The following SERPINF1 variants were observed in gnomAD, a reference collection of about 807,000 sequenced individuals.
The protein encoded by SERPINF1 is serpin family F member 1, also known as pigment epithelium-derived factor.
Under a neutral mutation model 37.3 loss-of-function variants are expected in SERPINF1, and 29 were observed. The ratio of observed to expected loss-of-function variants is 0.78; its 90% confidence interval spans 0.58 to 1.06. SERPINF1 has a LOEUF of 1.06. SERPINF1 is among the 50% of genes least tolerant of loss of function. The pLI is 0.00. For synonymous variants in SERPINF1, 281 were observed against 227.9 expected (o/e 1.23, Z -2.10); for missense variants, 553 against 532.2 (o/e 1.04, Z -0.38).
chr17:1,770,139 C>T (rs1907638463), intron 3 of SERPINF1, 89 bp downstream of exon 3: 2 of 1,442,966 alleles, frequency 1.4e-6, no homozygotes, highest in African/African-American at 1.4e-5. Flanking sequence ...ATTGACATTT[C>T]AGTTCAGCGA....
In SERPINF1 at chr17:1,776,626, C is replaced by T; in HGVS notation, c.881C>T (p.Thr294Ile). The T allele has an allele frequency of 6.2e-7, 1 of 1,614,058 alleles. No individual in the cohort carries two copies. The highest frequency in any genetic ancestry group is 8.5e-7 in the Non-Finnish European group (1 of 1,180,020). The change falls in exon 7 of 8, where the codon ACC becomes ATC. Residue 294 changes from threonine to isoleucine, a missense_variant. By Grantham distance (89) the Thr-to-Ile change is moderately conservative. Transcript: ENST00000254722. ...QNLTLIEESL[T>I]SEFIHDIDRE... is the part of the protein sequence containing the mutation. ...TTGACCTTGATAGAGGAGAGCCTCACCTCCGAGTTCATTCATGACATAGAC... is the reference window on the plus strand; with the variant it reads ...TTGACCTTGATAGAGGAGAGCCTCATCTCCGAGTTCATTCATGACATAGAC...
chr17:1,769,525 A>C, intron 2 of SERPINF1: 1 of 426,136 alleles, frequency 2.3e-6, no homozygotes, highest in Non-Finnish European at 4.4e-6. Flanking sequence ...TTGGGAGGCT[A>C]AGGCAGGAAA....
chr17:1,770,606 C>T (rs1316871061), intron 3 of SERPINF1: 2 of 261,280 alleles, frequency 7.7e-6, no homozygotes, highest in Non-Finnish European at 1.5e-5. Flanking sequence ...ATTACAGGCA[C>T]CTGCCATCAT....
rs1908103118 is a variant in SERPINF1 at position 1,777,325 on chromosome 17, C to A, written c.1136C>A (p.Pro379His). Residue 379 changes from proline (P) to histidine (H), a missense_variant, in exon 8 of 8, where the codon CCT becomes CAT. Coordinates refer to ENST00000254722, the MANE Select transcript of SERPINF1 (RefSeq NM_002615.7). The stretch of plus-strand genomic sequence containing the variant: ...ACCACCCCCAGCCCAGGGCTGCAGC[C>A]TGCCCACCTCACCTTCCCGCTGGAC... ...AGTTPSPGLQ[P>H]AHLTFPLDYH... 6.2e-7 allele frequency: 1 copy of A among 1,614,176 alleles called. No individual in the cohort carries two copies. The highest frequency in any genetic ancestry group is 1.3e-5 in the African/African-American group (1 of 75,042).
At chr17:1,769,276 G>A (rs1297163662) in intron 2 of SERPINF1, among the ~76,000 whole-genome samples, 1 of 152,042 alleles carries the variant, frequency 6.6e-6, no homozygotes, top group Non-Finnish European at 1.5e-5. Flanking sequence ...AGGCATGGTG[G>A]TGGGCGCCTG....
chr17:1,771,291 C>T (rs1192752959), intron 4 of SERPINF1, 107 bp downstream of exon 4: 15 of 1,213,762 alleles, frequency 1.2e-5, no homozygotes, highest in Non-Finnish European at 1.7e-5. Context: ...CTCTGTTGCC[C>T]AGGCTGGAGT....
At chr17:1,777,084 A>T in intron 7 of SERPINF1, 103 bp from the exon 8 acceptor site, 1 of 1,581,168 alleles carries the variant, frequency 6.3e-7, no homozygotes, top group Non-Finnish European at 8.7e-7. Flanking sequence ...CCTCAGAGAA[A>T]GTCAACAGTG....
chr17:1,774,621 C>T (rs533803774), intron 5 of SERPINF1, among the ~76,000 whole-genome samples: 22 of 152,222 alleles, frequency 1.4e-4, no homozygotes, highest in Admixed American at 3.3e-4. Flanking sequence ...CGTGAGTCAC[C>T]GTGCCCGGCC....
At chr17:1,771,288 G>C in intron 4 of SERPINF1, 104 bp downstream of exon 4, 1 of 1,247,594 alleles carries the variant, frequency 8.0e-7, no homozygotes, top group South Asian at 1.4e-5. Flanking sequence ...TCGCTCTGTT[G>C]CCCAGGCTGG....
In SERPINF1 at chr17:1,777,298, G is replaced by C; in HGVS notation, c.1109G>C (p.Gly370Ala). The change falls in exon 8 of 8, where the codon GGA becomes GCA. Residue 370 changes from glycine (G) to alanine (A), a missense_variant. Physicochemically the swap from Gly to Ala is moderately conservative, Grantham distance 60. Coordinates refer to ENST00000254722, the MANE Select transcript of SERPINF1 (RefSeq NM_002615.7). ...TTTGAGTGGAACGAGGATGGGGCGG[G>C]AACCACCCCCAGCCCAGGGCTGCAG... ...AGFEWNEDGAGTTPSPGLQPA... is the reference protein window; with the variant it reads ...AGFEWNEDGAATTPSPGLQPA... 2 of 1,614,112 alleles carry C rather than the reference G, an allele frequency of 1.2e-6. No homozygotes were observed. The highest frequency in any genetic ancestry group is 1.7e-6 in the Non-Finnish European group (2 of 1,180,032).
chr17:1,773,401 A>C lies in SERPINF1; in HGVS notation c.643+1326A>C, dbSNP rs1163405690. Among the ~76,000 whole-genome samples, 6 of 151,994 alleles carry C rather than the reference A, an allele frequency of 3.9e-5. No individual in the cohort carries two copies. The East Asian group carries it at 1.2e-3, about 29-fold the overall frequency. On this transcript the variant is annotated intron_variant, in intron 5 of 7. Transcript: ENST00000254722. ...GTTGGGATTACAGGCGCCCGCCACC[A>C]CACCCAGCTAATTTTTGTATTTTCA...
At chr17:1,774,336 C>T (rs1164146539) in intron 5 of SERPINF1, among the ~76,000 whole-genome samples, 1 of 152,180 alleles carries the variant, frequency 6.6e-6, no homozygotes, top group East Asian at 1.9e-4. Flanking sequence ...GCTGGGATTA[C>T]AGACACCCAC....
intron 2 of SERPINF1, among the ~76,000 whole-genome samples, chr17:1,768,788 T>C (rs1042126591): frequency 2.0e-5 from 3 of 151,298 alleles, no homozygotes; most frequent in African/African-American, 7.3e-5. Flanking sequence ...CCAATTTTTA[T>C]ATTTATATTT....
chr17:1,773,655 A>T (rs1015142216), intron 5 of SERPINF1, among the ~76,000 whole-genome samples: 1 of 152,232 alleles, frequency 6.6e-6, no homozygotes, highest in African/African-American at 2.4e-5. Flanking sequence ...TGAGGATAAT[A>T]TATCTACTTC....
At position 1,769,896 on chromosome 17, in the gene SERPINF1, G is replaced by A. The variant is rs1194688554; in HGVS notation, c.129G>A (p.Glu43=). 6 of 1,614,186 alleles carry A rather than the reference G, an allele frequency of 3.7e-6. No individual in the cohort carries two copies. The highest frequency in any genetic ancestry group is 1.1e-5 in the South Asian group (1 of 91,080). Residue 43 remains glutamate (E), a synonymous_variant, in exon 3 of 8, where the codon GAG becomes GAA. Coordinates refer to ENST00000254722, the MANE Select transcript of SERPINF1 (RefSeq NM_002615.7). ...GCACAGGGGCGCTGGTGGAGGAGGA[G>A]GATCCTTTCTTCAAAGTCCCCGTGA... is the stretch of plus-strand genomic sequence containing the variant. ...PDSTGALVEE[E]DPFFKVPVNK...
At chr17:1,769,778 G>C in intron 2 of SERPINF1, 74 bp from the exon 3 acceptor site, 1 of 1,532,818 alleles carries the variant, frequency 6.5e-7, no homozygotes, top group East Asian at 2.2e-5. Context: ...CCTACACAAA[G>C]CCGTGAGGAG....
At chr17:1,771,325 T>G in intron 4 of SERPINF1, 141 bp downstream of exon 4, 3 of 835,528 alleles carry the variant, frequency 3.6e-6, no homozygotes, top group Non-Finnish European at 3.6e-6. Flanking sequence ...CTCGGCTCAC[T>G]GCAACCTCCA....
chr17:1,776,483 G>T, intron 6 of SERPINF1, 49 bp from the exon 7 acceptor site: 3 of 1,581,270 alleles, frequency 1.9e-6, no homozygotes, highest in Non-Finnish European at 2.6e-6. Flanking sequence ...GTCTGTCCCC[G>T]GCTTTTGGGC....
At chr17:1,776,290 A>C (rs1055104542) in intron 6 of SERPINF1, among the ~76,000 whole-genome samples, 1 of 152,196 alleles carries the variant, frequency 6.6e-6, no homozygotes, top group Non-Finnish European at 1.5e-5. Flanking sequence ...TTCAGCAGAC[A>C]ACTTCAGTTG....
Sources: allele counts gnomAD v4.1 joint callset (sites outside exome capture counted in the v4.1 genomes callset), GRCh38; gene constraint gnomAD v4.1.1; transcripts MANE v1.5; gene names NCBI Gene and HGNC (gene_info 2026-07-23, HGNC 2026-07-21).